The following ASTN2 variants were observed in gnomAD, a reference collection of about 807,000 sequenced individuals.
ASTN2 encodes the protein astrotactin-2.
Under a neutral mutation model 139.8 loss-of-function variants are expected in ASTN2, and 54 were observed. The observed-to-expected ratio is 0.39, with a 90% confidence interval of 0.31 to 0.48. The LOEUF (loss-of-function observed/expected upper bound fraction) is 0.48, where lower values mean the gene tolerates loss of function less well. ASTN2 is among the 20% of genes least tolerant of loss of function. The pLI is 0.95. For missense variants in ASTN2, 1,565 were observed against 1,725.1 expected, an observed-to-expected ratio of 0.91 and a Z score of 1.64; for synonymous variants, 756 against 719.5, an observed-to-expected ratio of 1.05 and a Z score of -0.81.
intron 6 of ASTN2, among the ~76,000 whole-genome samples, chr9:117,035,825 G>A (rs930013455): frequency 1.3e-5 from 2 of 152,158 alleles, no homozygotes; most frequent in East Asian, 1.9e-4. Flanking sequence ...AAGTGTTAAC[G>A]TCTTCAAGTG....
chr9:117,104,773 C>T (rs1587968016), intron 4 of ASTN2, among the ~76,000 whole-genome samples: 1 of 152,240 alleles, frequency 6.6e-6, no homozygotes, highest in East Asian at 1.9e-4. Flanking sequence ...CTAATGCTTG[C>T]TAATAAACAA....
At chr9:116,554,416 T>C (rs1441714014) in intron 19 of ASTN2, among the ~76,000 whole-genome samples, 1 of 152,210 alleles carries the variant, frequency 6.6e-6, no homozygotes, top group Non-Finnish European at 1.5e-5. Context: ...AAGCCGGTCC[T>C]TTCCATAGTA....
chr9:116,983,018 C>G (rs920839504), intron 7 of ASTN2, among the ~76,000 whole-genome samples: 8 of 152,192 alleles, frequency 5.3e-5, no homozygotes, highest in Non-Finnish European at 1.2e-4. Context: ...GGCTGTCTGA[C>G]TCCCCTCCCC....
intron 3 of ASTN2, among the ~76,000 whole-genome samples, chr9:117,204,137 C>T (rs754887860): frequency 1.3e-5 from 2 of 152,218 alleles, no homozygotes; most frequent in African/African-American, 2.4e-5. Flanking sequence ...CTGTGGCCGC[C>T]TACTGCCATT....
chr9:117,040,647 C>T (rs1026009997), intron 5 of ASTN2, among the ~76,000 whole-genome samples: 9 of 152,138 alleles, frequency 5.9e-5, no homozygotes, highest in African/African-American at 9.6e-5. Flanking sequence ...TTAGTAGAGA[C>T]GGGTTTTCAC....
intron 19 of ASTN2, among the ~76,000 whole-genome samples, chr9:116,565,978 G>A (rs62576084): frequency 0.16 from 24,140 of 152,110 alleles, 2,083 homozygotes; most frequent in African/African-American, 0.21. Flanking sequence ...TCCACATCCA[G>A]CAGCCTTCTA....
rs1837691968 is a variant in ASTN2, at chr9:117,016,616, CTATCTATCT to C, written c.1424-8366_1424-8358del. Among the ~76,000 whole-genome samples the C allele has an allele frequency of 7.1e-5, 3 of 42,470 alleles. 1 individual carries two copies. The highest frequency in any genetic ancestry group is 1.9e-4 in the African/African-American group (1 of 5,136). 27.9% of individuals were successfully genotyped at this position (42,470 alleles called of 152,430 possible). ...TTTATATATATATCTATATCTATAT[CTATCTATCT>C]ATATATATATATATATATATATATA... On this transcript the variant is annotated intron_variant, in intron 6 of 22. Coordinates refer to ENST00000313400, the MANE Select transcript of ASTN2 (RefSeq NM_001365068.1).
intron 16 of ASTN2, among the ~76,000 whole-genome samples, chr9:116,656,092 G>C (rs1259057961): frequency 1.3e-5 from 2 of 152,034 alleles, no homozygotes; most frequent in Non-Finnish European, 2.9e-5. Flanking sequence ...TTAATGTCTC[G>C]AGATTGTAAA....
At chr9:117,107,906 G>T (rs561882724) in intron 4 of ASTN2, among the ~76,000 whole-genome samples, 2 of 152,150 alleles carry the variant, frequency 1.3e-5, no homozygotes, top group South Asian at 4.1e-4. Flanking sequence ...TACTTTTTTG[G>T]TCCTAATCTT....
chr9:116,481,092 A>T (rs1282379294), intron 20 of ASTN2, among the ~76,000 whole-genome samples: 1 of 152,222 alleles, frequency 6.6e-6, no homozygotes, highest in East Asian at 1.9e-4. Flanking sequence ...TTTTATAGAT[A>T]AAAAACTGAA....
At chr9:116,643,938 T>C (rs1857464833) in intron 17 of ASTN2, among the ~76,000 whole-genome samples, 1 of 152,242 alleles carries the variant, frequency 6.6e-6, no homozygotes. Flanking sequence ...TACTAGACTG[T>C]GTGCTCCTTG....
At chr9:116,551,146 A>G (rs1333256217) in intron 19 of ASTN2, 1 of 152,196 alleles carries the variant, frequency 6.6e-6, no homozygotes, top group Admixed American at 6.5e-5. Flanking sequence ...AGTGTAAAAA[A>G]ATAAAAATTC....
chr9:116,583,804 C>T (rs1395252470), intron 19 of ASTN2: 1 of 152,118 alleles, frequency 6.6e-6, no homozygotes, highest in East Asian at 1.9e-4. Flanking sequence ...AGACAGTCTC[C>T]CATCCCAAGC....
chr9:116,895,775 C>A (rs1266359404), intron 10 of ASTN2, among the ~76,000 whole-genome samples: 2 of 152,058 alleles, frequency 1.3e-5, no homozygotes, highest in Non-Finnish European at 2.9e-5. Context: ...GGAGGAGAAA[C>A]ATAAATATCA....
chr9:117,201,937 G>A (rs934966232), intron 3 of ASTN2, among the ~76,000 whole-genome samples: 1 of 152,016 alleles, frequency 6.6e-6, no homozygotes, highest in South Asian at 2.1e-4. Flanking sequence ...CTAACAGTGG[G>A]GTGTTAAATT....
intron 19 of ASTN2, among the ~76,000 whole-genome samples, chr9:116,568,163 CCTT>C (rs1203547324): frequency 6.6e-6 from 1 of 152,122 alleles, no homozygotes; most frequent in East Asian, 1.9e-4. Context: ...TCTCATTTCT[CCTT>C]CTCACCAGGA....
At chr9:116,605,198 G>A (rs558660365) in intron 19 of ASTN2, among the ~76,000 whole-genome samples, 28 of 152,282 alleles carry the variant, frequency 1.8e-4, no homozygotes, top group East Asian at 1.7e-3. Context: ...GGAAGCAAGA[G>A]TGATACTGAT....
At chr9:117,088,594 A>G (rs113646317) in intron 5 of ASTN2, among the ~76,000 whole-genome samples, 2,248 of 152,312 alleles carry the variant, frequency 0.015, 66 homozygotes, top group African/African-American at 0.051. Context: ...TTATGGATTC[A>G]GTGGTTCTTA....
At chr9:117,154,155 C>T (rs1201665318) in intron 3 of ASTN2, among the ~76,000 whole-genome samples, 1 of 151,998 alleles carries the variant, frequency 6.6e-6, no homozygotes. Flanking sequence ...AATGCAGCCA[C>T]ATTATAAATA....
Sources: gnomAD v4.1 joint callset for allele counts (sites outside exome capture counted in the v4.1 genomes callset) on GRCh38, gnomAD v4.1.1 for gene constraint, MANE v1.5 for transcripts, NCBI Gene and HGNC (gene_info 2026-07-23, HGNC 2026-07-21) for gene names.